The following S100A4 variants were observed in gnomAD, a reference collection of about 807,000 sequenced individuals.
S100A4 encodes the protein S100 calcium binding protein A4, also known as protein S100-A4.
In S100A4, 4 loss-of-function variants were observed where a neutral mutation model predicts 6.3. The observed-to-expected ratio is 0.64, with a 90% CI of 0.31 to 1.46. The LOEUF (loss-of-function observed/expected upper bound fraction) is 1.46. Ranked by LOEUF, S100A4 falls within the 40% of genes most tolerant of loss-of-function variation. The probability of loss-of-function intolerance (pLI) is 0.07; values close to 1 mark genes in which losing one functional copy is unlikely to be tolerated. For synonymous variants in S100A4, 44 were observed against 47.6 expected (o/e 0.92, Z 0.32); for missense variants, 108 against 120.8 (o/e 0.89, Z 0.50).
Position 153,544,839 on chromosome 1 carries a change from A to T in S100A4, c.-15-30T>A, listed in dbSNP as rs138690284. The T allele has an allele frequency of 5.7e-5, 92 of 1,612,956 alleles. No individual in the cohort carries two copies. In the African/African-American group the frequency reaches 9.9e-4, roughly 17 times the overall value. ...GAGCAGGAGGCACAGAGACCGTCTTATTAATCCCACCCCTCAGAGATGTGT... is the reference window on the plus strand; with the variant it reads ...GAGCAGGAGGCACAGAGACCGTCTTTTTAATCCCACCCCTCAGAGATGTGT... On this transcript the variant is annotated intron_variant, in intron 1 of 2. Coordinates refer to ENST00000368716, the MANE Select transcript of S100A4 (RefSeq NM_002961.3).
intron 2 of S100A4, among the ~76,000 whole-genome samples, chr1:153,544,264 T>A (rs1272328617): frequency 2.6e-5 from 4 of 152,234 alleles, no homozygotes; most frequent in Admixed American, 6.5e-5. Context: ...TCTGCAGGCC[T>A]GTGATCATCT....
rs1333502713 is a variant in S100A4 at position 153,543,905 on chromosome 1, C to T, written c.160G>A (p.Ala54Thr). ...AAGTTGCTCATCAGCTTCTGGAAAG[C>T]AGCTTCATCTGTCCTTTTCTGGAGG... ...SFLGKRTDEA[A>T]FQKLMSNLDS... Residue 54 changes from alanine (A) to threonine (T), a missense_variant, in exon 3 of 3, where the codon GCT (alanine) becomes ACT (threonine). By Grantham distance (58) the Ala-to-Thr change is moderately conservative. Coordinates refer to ENST00000368716, the MANE Select transcript of S100A4 (RefSeq NM_002961.3). The T allele has an allele frequency of 6.2e-7, 1 of 1,614,122 alleles. No individual in the cohort carries two copies. The highest frequency in any genetic ancestry group is 8.5e-7 in the Non-Finnish European group (1 of 1,180,028).
chr1:153,544,088 G>A (rs1182599845), intron 2 of S100A4, 165 bp from the exon 3 acceptor site: 1 of 661,996 alleles, frequency 1.5e-6, no homozygotes, highest in Non-Finnish European at 2.5e-6. Context: ...GGTGCTCCTT[G>A]GATAAGGAAG....
At chr1:153,544,030 A>G in intron 2 of S100A4, 107 bp from the exon 3 acceptor site, 1 of 1,303,088 alleles carries the variant, frequency 7.7e-7, no homozygotes, top group Admixed American at 2.1e-5. Flanking sequence ...CTCCTTTGGG[A>G]GGTCCAGTTT....
In S100A4 at chr1:153,543,692, A is replaced by C; in HGVS notation, c.*67T>G. On this transcript the variant is annotated 3_prime_UTR_variant, in exon 3 of 3. Coordinates refer to ENST00000368716, the MANE Select transcript of S100A4 (RefSeq NM_002961.3). The stretch of plus-strand genomic sequence containing the variant: ...GTCTGAAGGAGCCAGGGTGGAAAAA[A>C]AAAAGTGCCCACTGGCGACAGGGAG... 1 of 1,524,912 alleles carries C rather than the reference A, an allele frequency of 6.6e-7. No homozygotes were observed. Among genetic ancestry groups the C allele is most frequent in the East Asian group, 2.3e-5 (1 of 44,204 alleles). 94.5% of individuals were successfully genotyped at this position (1,524,912 alleles called of 1,614,324 possible). A position where few individuals can be genotyped will look rare whatever the true frequency, so the allele number is the denominator to read the frequency against.
intron 1 of S100A4, chr1:153,545,193 G>C (rs901930006): frequency 4.9e-6 from 1 of 205,324 alleles, no homozygotes; most frequent in African/African-American, 2.3e-5. Context: ...GCTGCTGGAG[G>C]CCTGCCCAGG....
At chr1:153,544,934 G>T (rs1049514448) in intron 1 of S100A4, 125 bp from the exon 2 acceptor site, 6 of 1,254,230 alleles carry the variant, frequency 4.8e-6, no homozygotes, top group African/African-American at 3.0e-5. Context: ...CCCTGGGGGA[G>T]CCCAGAGCAG....
rs200840764 is a variant in S100A4, at chr1:153,544,804, C to A, written c.-10G>T. 6.2e-6 allele frequency: 10 copies of A among 1,614,110 alleles called. No homozygotes were observed. In the South Asian group the frequency reaches 7.7e-5, roughly 12 times the overall value. On this transcript the variant is annotated 5_prime_UTR_variant, in exon 2 of 3. Transcript: ENST00000368716. ...CCAGAGGGCACGCCATGACAGCAGTCAGGATCTGGGAGCAGGAGGCACAGA... is the reference window on the plus strand; with the variant it reads ...CCAGAGGGCACGCCATGACAGCAGTAAGGATCTGGGAGCAGGAGGCACAGA...
chr1:153,543,737 C>G lies in S100A4; in HGVS notation c.*22G>C. ...AGGGAGGGCCCCAGCTGGCAGACCC[C>G]CCAACCACATCAGAGGAGTTTTCAT... On this transcript the variant is annotated 3_prime_UTR_variant, in exon 3 of 3. Transcript: ENST00000368716. 1 of 1,609,498 alleles carries G rather than the reference C, an allele frequency of 6.2e-7. No individual in the cohort carries two copies. The highest frequency in any genetic ancestry group is 8.5e-7 in the Non-Finnish European group (1 of 1,176,988).
Position 153,543,665 on chromosome 1 carries a change from G to T in S100A4, c.*94C>A. 1 of 1,188,142 alleles carries T rather than the reference G, an allele frequency of 8.4e-7. No homozygotes were observed. The highest frequency in any genetic ancestry group is 1.2e-6 in the Non-Finnish European group (1 of 826,718). 73.6% of individuals were successfully genotyped at this position (1,188,142 alleles called of 1,614,324 possible). ...ATTGAACTTGCTCAGCATCAAGCAC[G>T]TGTCTGAAGGAGCCAGGGTGGAAAA... is the stretch of plus-strand genomic sequence containing the variant. On this transcript the variant is annotated 3_prime_UTR_variant, in exon 3 of 3. Coordinates refer to ENST00000368716, the MANE Select transcript of S100A4 (RefSeq NM_002961.3).
rs1195104990 is a variant in S100A4, at chr1:153,544,743, T to C, written c.52A>G (p.Lys18Glu). 5 of 1,614,224 alleles carry C rather than the reference T, an allele frequency of 3.1e-6. No homozygotes were observed. The highest frequency in any genetic ancestry group is 4.2e-6 in the Non-Finnish European group (5 of 1,180,022). ...TTGTCACCCTCTTTGCCCGAGTACT[T>C]GTGGAAGGTGGACACCATCACATCC... is the stretch of plus-strand genomic sequence containing the variant. The part of the protein sequence containing the change: ...ALDVMVSTFH[K>E]YSGKEGDKFK... Residue 18 changes from lysine to glutamate, a missense_variant, in exon 2 of 3, where the codon AAG becomes GAG. Coordinates refer to ENST00000368716, the MANE Select transcript of S100A4 (RefSeq NM_002961.3).
chr1:153,544,832 C>T (rs1557892467), intron 1 of S100A4, 23 bp from the exon 2 acceptor site: 1 of 1,613,478 alleles, frequency 6.2e-7, no homozygotes, highest in African/African-American at 1.3e-5. Context: ...GGCACAGAGA[C>T]CGTCTTATTA....
In S100A4 at chr1:153,544,636, C is replaced by T. The variant is rs765293350; in HGVS notation, c.141+18G>A. ...GAAATGCCCCACGTGGGGACTCACT[C>T]AGGCACTACCCACTCACCCCCAAGA... On this transcript the variant is annotated intron_variant, in intron 2 of 2. Transcript: ENST00000368716. The T allele has an allele frequency of 6.2e-7, 1 of 1,614,106 alleles. No homozygotes were observed. Among genetic ancestry groups the T allele is most frequent in the South Asian group, 1.1e-5 (1 of 91,078 alleles).
At chr1:153,545,257 G>A (rs138018885) in intron 1 of S100A4, among the ~76,000 whole-genome samples, 118 of 152,370 alleles carry the variant, frequency 7.7e-4, no homozygotes, top group Non-Finnish European at 1.3e-3. Flanking sequence ...ATGGGGAGGG[G>A]CAAAGTGAGG....
At chr1:153,545,587 G>A (rs1406553530) in intron 1 of S100A4, 166 bp downstream of exon 1, 1 of 152,406 alleles carries the variant, frequency 6.6e-6, no homozygotes, top group Non-Finnish European at 1.5e-5. Flanking sequence ...ACGTGCATGT[G>A]TGTGTGTGCC....
intron 1 of S100A4, chr1:153,545,162 T>G: frequency 4.6e-6 from 1 of 215,652 alleles, no homozygotes. Flanking sequence ...GCCATTCTTT[T>G]CCCTCCCAGA....
chr1:153,543,918 C>A lies in S100A4; in HGVS notation c.147G>T (p.Arg49Ser). ...GCTTCTGGAAAGCAGCTTCATCTGT[C>A]CTTTTCTGGAGGGAGAAGAGGCTAC... is the stretch of plus-strand genomic sequence containing the variant. ...TRELPSFLGK[R>S]TDEAAFQKLM... Residue 49 changes from arginine to serine, a missense_variant, in exon 3 of 3, where the codon AGG becomes AGT. Physicochemically the swap from Arg to Ser is moderately radical, Grantham distance 110. Coordinates refer to ENST00000368716, the MANE Select transcript of S100A4 (RefSeq NM_002961.3). The A allele has an allele frequency of 3.1e-6, 5 of 1,614,000 alleles. No individual in the cohort carries two copies. The highest frequency in any genetic ancestry group is 4.2e-6 in the Non-Finnish European group (5 of 1,180,014).
intron 1 of S100A4, chr1:153,545,375 C>T (rs1665529693): frequency 6.4e-6 from 1 of 155,432 alleles, no homozygotes; most frequent in Non-Finnish European, 1.4e-5. Context: ...AGACAAAGGC[C>T]CACAGTTGCC....
rs143798623 is a variant in S100A4, at chr1:153,544,130, G to A, written c.142-207C>T. On this transcript the variant is annotated intron_variant, in intron 2 of 2. Coordinates refer to ENST00000368716, the MANE Select transcript of S100A4 (RefSeq NM_002961.3). Reference sequence around the variant, plus strand: ...TACCTGGTGCAATGGAAAAATGACGGGACCACTACATTTTCACCCAAGGTT... The same window carrying A: ...TACCTGGTGCAATGGAAAAATGACGAGACCACTACATTTTCACCCAAGGTT... Among the ~76,000 whole-genome samples, 255 of 152,242 alleles carry A rather than the reference G, an allele frequency of 1.7e-3. 3 individuals are homozygous for A. The highest frequency in any genetic ancestry group is 5.8e-3 in the African/African-American group (242 of 41,528).
Sources: gnomAD v4.1 joint callset for allele counts (sites outside exome capture counted in the v4.1 genomes callset) on GRCh38, gnomAD v4.1.1 for gene constraint, MANE v1.5 for transcripts, NCBI Gene and HGNC (gene_info 2026-07-23, HGNC 2026-07-21) for gene names.